The following OPHN1 variants were observed in gnomAD, a reference collection of about 807,000 sequenced individuals.
OPHN1 encodes the protein oligophrenin-1.
In OPHN1, 11 loss-of-function variants were observed where a neutral mutation model predicts 60.7. The observed-to-expected ratio is 0.18, with a 90% CI of 0.11 to 0.30. The LOEUF is 0.30. Ranked by LOEUF, OPHN1 falls within the 10% of genes least tolerant of loss-of-function variation. The pLI, the probability that OPHN1 is intolerant of heterozygous loss-of-function variation, is 1.00. For synonymous variants in OPHN1, 226 were observed against 222.6 expected, an observed-to-expected ratio of 1.02 and a Z score of -0.14; for missense variants, 449 against 611.0, an observed-to-expected ratio of 0.73 and a Z score of 2.80.
At chrX:68,285,962 T>C (rs902841465) in intron 3 of OPHN1, among the ~76,000 whole-genome samples, 2 of 111,530 alleles carry the variant, frequency 1.8e-5, no homozygotes, top group Admixed American at 1.9e-4. Context: ...GTCTCATTTA[T>C]TAATTTAAAT....
At chrX:68,187,776 C>T (rs7059831) in intron 15 of OPHN1, among the ~76,000 whole-genome samples, 20,760 of 109,203 alleles carry the variant, frequency 0.19, 1,604 homozygotes, top group African/African-American at 0.29. Flanking sequence ...TACAGGTGCC[C>T]GCCACCACAC....
rs761748897 is a variant in OPHN1 at position 68,430,219 on chromosome X, C to T, written c.154+2648G>A. Among the ~76,000 whole-genome samples, 50 of 111,792 alleles carry T rather than the reference C, an allele frequency of 4.5e-4. 2 individuals carry two copies. In the South Asian group the frequency reaches 6.8e-3, roughly 15 times the overall value. ...CTTTCAGAAAGTCGCTCCGCTGGCA[C>T]AGTGTGAGGAAGGAGAGTGGGAGTA... is the stretch of plus-strand genomic sequence containing the variant. On this transcript the variant is annotated intron_variant, in intron 2 of 24. Transcript: ENST00000355520.
chrX:68,106,524 A>G (rs1160932145), intron 18 of OPHN1, among the ~76,000 whole-genome samples: 3 of 111,755 alleles, frequency 2.7e-5, no homozygotes, highest in East Asian at 2.8e-4. Flanking sequence ...ATAAATAGCT[A>G]TAAGAATGGC....
intron 5 of OPHN1, among the ~76,000 whole-genome samples, chrX:68,268,952 CAG>C (rs2077949862): frequency 9.0e-6 from 1 of 111,323 alleles, no homozygotes; most frequent in Non-Finnish European, 1.9e-5. Context: ...CAATAACAGA[CAG>C]AGAGCCAAAT....
intron 2 of OPHN1, among the ~76,000 whole-genome samples, chrX:68,394,107 G>A (rs2078671035): frequency 9.2e-6 from 1 of 108,680 alleles, no homozygotes; most frequent in African/African-American, 3.3e-5. Context: ...GTGTTCGCCA[G>A]GATGGTCTCG....
At chrX:68,138,509 A>G (rs1260976790) in intron 15 of OPHN1, among the ~76,000 whole-genome samples, 1 of 112,054 alleles carries the variant, frequency 8.9e-6, no homozygotes, top group Non-Finnish European at 1.9e-5. Context: ...CACACGGACT[A>G]CTCATTGTAC....
intron 2 of OPHN1, among the ~76,000 whole-genome samples, chrX:68,383,169 A>G (rs181597338): frequency 5.3e-4 from 59 of 111,299 alleles, no homozygotes; most frequent in African/African-American, 1.8e-3. Context: ...CAAGAAATAA[A>G]GAAAAAAAAT....
rs773153034 is a variant in OPHN1, at chrX:68,324,915, G to A, written c.155-25819C>T. ...AAAAAAAAAAAATTTGATGGGCATG[G>A]TGGAGTGCACTTGCAGTCCCAGCTA... On this transcript the variant is annotated intron_variant, in intron 2 of 24. Transcript: ENST00000355520. Among the ~76,000 whole-genome samples, 3 of 109,776 alleles carry A rather than the reference G, an allele frequency of 2.7e-5. No individual in the cohort carries two copies. The Admixed American group carries it at 2.9e-4, about 11-fold the overall frequency.
At chrX:68,402,621 C>A (rs1253835992) in intron 2 of OPHN1, among the ~76,000 whole-genome samples, 2 of 111,938 alleles carry the variant, frequency 1.8e-5, no homozygotes, top group African/African-American at 6.5e-5. Context: ...TATTGCATAT[C>A]TTATGTTGAT....
chrX:68,206,592 T>C lies in OPHN1; in HGVS notation c.914A>G (p.Gln305Arg). The C allele has an allele frequency of 8.3e-7, 1 of 1,210,198 alleles. No homozygotes were observed. The highest frequency in any genetic ancestry group is 1.1e-6 in the Non-Finnish European group (1 of 893,763). The change falls in exon 10 of 25, where the codon CAG becomes CGG. Residue 305 changes from glutamine (Q) to arginine (R), a missense_variant. Physicochemically the swap from Gln to Arg is conservative, Grantham distance 43. Around this residue, in one of 4 missense-constraint regions of OPHN1, gnomAD observed 166 missense variants for 278.4 expected, o/e 0.60. Coordinates refer to ENST00000355520, the MANE Select transcript of OPHN1 (RefSeq NM_002547.3). ...ACTGACCTGCTTAGCACCTGGCTTC[T>C]GCTCCATAGGCGTCATGGTCAGTGT... Reference protein sequence around the residue: ...TKTLTMTPMEQKPGAKQGPLD... With the variant: ...TKTLTMTPMERKPGAKQGPLD...
chrX:68,324,217 T>C (rs1044896820), intron 2 of OPHN1, among the ~76,000 whole-genome samples: 2 of 111,470 alleles, frequency 1.8e-5, no homozygotes, highest in African/African-American at 6.5e-5. Flanking sequence ...CAAACAAACC[T>C]ACAGGCAAAC....
rs189587078 is a variant in OPHN1, at chrX:68,211,067, A to T, written c.703-785T>A. On this transcript the variant is annotated intron_variant, in intron 8 of 24. Coordinates refer to ENST00000355520, the MANE Select transcript of OPHN1 (RefSeq NM_002547.3). ...ATATAGAGGAAGATTCATGGGATTA[A>T]CTTGGTTGTAGTAGGAAGATGTTGT... Among the ~76,000 whole-genome samples the T allele has an allele frequency of 6.3e-5, 7 of 111,348 alleles. No individual in the cohort carries two copies. In the East Asian group the frequency reaches 1.4e-3, roughly 22 times the overall value.
chrX:68,337,910 T>C (rs2078332542), intron 2 of OPHN1, among the ~76,000 whole-genome samples: 1 of 110,341 alleles, frequency 9.1e-6, no homozygotes, highest in African/African-American at 3.3e-5. Context: ...CATCAGAGCA[T>C]CAGAGCCCAA....
intron 2 of OPHN1, among the ~76,000 whole-genome samples, chrX:68,319,600 G>A (rs2078225562): frequency 9.1e-6 from 1 of 110,241 alleles, no homozygotes; most frequent in African/African-American, 3.3e-5. Flanking sequence ...GCTGAGTGTG[G>A]TGGCGCTCAC....
At chrX:68,338,827 C>G (rs2078336531) in intron 2 of OPHN1, among the ~76,000 whole-genome samples, 1 of 110,898 alleles carries the variant, frequency 9.0e-6, no homozygotes, top group Non-Finnish European at 1.9e-5. Flanking sequence ...GTAATCCCAA[C>G]ATTCTGGGAG....
At chrX:68,359,616 G>A (rs2078460054) in intron 2 of OPHN1, among the ~76,000 whole-genome samples, 2 of 110,209 alleles carry the variant, frequency 1.8e-5, no homozygotes, top group African/African-American at 3.3e-5. Context: ...CAGCACTTTG[G>A]GAGATCAAGG....
At chrX:68,322,920 G>A (rs1362251949) in intron 2 of OPHN1, among the ~76,000 whole-genome samples, 3 of 111,751 alleles carry the variant, frequency 2.7e-5, no homozygotes, top group Non-Finnish European at 5.6e-5. Flanking sequence ...AATCTTAAAA[G>A]GTCACATACT....
intron 2 of OPHN1, among the ~76,000 whole-genome samples, chrX:68,363,117 G>A (rs1207604041): frequency 1.8e-5 from 2 of 108,828 alleles, no homozygotes; most frequent in Non-Finnish European, 3.8e-5. Context: ...GCACGGTGGC[G>A]CGTGCCTGTA....
At chrX:68,339,532 T>TA (rs2078340944) in intron 2 of OPHN1, among the ~76,000 whole-genome samples, 1 of 112,450 alleles carries the variant, frequency 8.9e-6, no homozygotes, top group East Asian at 2.8e-4. Context: ...ATCCAGTTTT[T>TA]AAAAAAACTA....
Sources: gnomAD v4.1 joint callset for allele counts (sites outside exome capture counted in the v4.1 genomes callset) on GRCh38, gnomAD v4.1.1 for gene constraint, gnomAD v4.1.1 regional missense constraint, MANE v1.5 for transcripts, NCBI Gene and HGNC (gene_info 2026-07-23, HGNC 2026-07-21) for gene names.